TRPM2: variants seen among roughly 807,000 people sequenced by gnomAD.
TRPM2 encodes the protein transient receptor potential cation channel subfamily M member 2.
A neutral mutation model predicts 174.0 loss-of-function variants in TRPM2; 161 were observed. The ratio of observed to expected loss-of-function variants is 0.93; its 90% CI spans 0.81 to 1.05. The LOEUF (loss-of-function observed/expected upper bound fraction) is 1.05, where lower values mean the gene tolerates loss of function less well. Among genes scored for constraint, TRPM2 ranks in the 50% least tolerant of loss-of-function variants. TRPM2 has a pLI of 0.00. For synonymous variants in TRPM2, 954 were observed against 861.3 expected (o/e 1.11, Z -1.88); for missense variants, 2,057 against 2,038.0 (o/e 1.01, Z -0.18).
chr21:44,441,614 G>A (rs1448479198), intron 31 of TRPM2, 78 bp from the exon 32 acceptor site: 11 of 1,493,028 alleles, frequency 7.4e-6, no homozygotes, highest in Admixed American at 4.1e-5. Flanking sequence ...CCAAGCCCTC[G>A]AAGGCTGCAG....
At chr21:44,350,937 C>T (rs2047918582), upstream of TRPM2, among the ~76,000 whole-genome samples, 1 of 152,166 alleles carries the variant, frequency 6.6e-6, no homozygotes, top group Admixed American at 6.5e-5. Flanking sequence ...CTTCCTCCGT[C>T]CCCGCACCCG....
chr21:44,407,099 T>A (rs1243369327), intron 19 of TRPM2, among the ~76,000 whole-genome samples: 1 of 136,448 alleles, frequency 7.3e-6, no homozygotes, highest in Non-Finnish European at 1.6e-5. Context: ...CAATCAGAAA[T>A]AACTTCCTTC....
chr21:44,418,043 G>T lies in TRPM2; in HGVS notation c.3263G>T (p.Ser1088Ile). The change falls in exon 21 of 32, where the codon AGC (serine) becomes ATC (isoleucine). Residue 1088 changes from serine (S) to isoleucine (I), a missense_variant. By Grantham distance (142) the Ser-to-Ile change is moderately radical. Transcript: ENST00000397928. ...GCGCCGCCCCCCTTCATCCTCCTCA[G>T]CCACCTGCAGCTCTTCATCAAGAGG... is the stretch of plus-strand genomic sequence containing the variant. Reference protein sequence around the residue: ...PAAPPPFILLSHLQLFIKRVV... With the variant: ...PAAPPPFILLIHLQLFIKRVV... 6.2e-7 allele frequency: 1 copy of T among 1,613,178 alleles called. No individual in the cohort carries two copies. Among genetic ancestry groups the T allele is most frequent in the Non-Finnish European group, 8.5e-7 (1 of 1,180,020 alleles).
intron 8 of TRPM2, among the ~76,000 whole-genome samples, chr21:44,381,541 G>A (rs2048879273): frequency 6.6e-6 from 1 of 150,796 alleles, no homozygotes; most frequent in Non-Finnish European, 1.5e-5. Flanking sequence ...TGGATGGAGG[G>A]ATAGGTGGGT....
At chr21:44,378,387 C>T (rs1363425799) in intron 7 of TRPM2, among the ~76,000 whole-genome samples, 2 of 152,156 alleles carry the variant, frequency 1.3e-5, no homozygotes, top group East Asian at 3.8e-4. Flanking sequence ...GGCAATGTCC[C>T]GTTTATGTTT....
rs1307860879 is a variant in TRPM2, at chr21:44,376,009, A to T, written c.948A>T (p.Arg316Ser). Residue 316 changes from arginine to serine, a missense_variant, in exon 6 of 32, where the codon AGA becomes AGT. Coordinates refer to ENST00000397928, the MANE Select transcript of TRPM2 (RefSeq NM_003307.4). This position sits in a 1 kb window ranked among gnomAD's most constrained non-coding sequence, Gnocchi z 4.2. ...TCATATCGGAGCAGACCAAGGAAAG[A>T]GGAGGTAGGGGAGCTTGCTTTCGAG... is the stretch of plus-strand genomic sequence containing the variant. ...EKFISEQTKE[R>S]GGVAIKIPIV... The T allele has an allele frequency of 6.2e-7, 1 of 1,612,896 alleles. No homozygotes were observed. Among genetic ancestry groups the T allele is most frequent in the Non-Finnish European group, 8.5e-7 (1 of 1,179,040 alleles).
At chr21:44,360,309 G>C (rs546759144) in intron 2 of TRPM2, among the ~76,000 whole-genome samples, 2 of 152,314 alleles carry the variant, frequency 1.3e-5, no homozygotes, top group South Asian at 4.1e-4. Context: ...CTGGCGACTC[G>C]GGCAGCTCCT....
chr21:44,427,946 G>A (rs1036778119), intron 27 of TRPM2, among the ~76,000 whole-genome samples: 9 of 152,086 alleles, frequency 5.9e-5, no homozygotes, highest in African/African-American at 1.4e-4. Flanking sequence ...AGGTGCATCC[G>A]GTGGCTATGG....
chr21:44,413,953 C>T lies in TRPM2; in HGVS notation c.3025C>T (p.Pro1009Ser). ...NGTDPYKPKC[P>S]ESDATQQRPA... ...CACCGACCCCTACAAGCCTAAGTGC[C>T]CCGAGAGCGACGCGACGCAGCAGAG... is the stretch of plus-strand genomic sequence containing the variant. The change falls in exon 20 of 32, where the codon CCC becomes TCC. Residue 1009 changes from proline to serine, a missense_variant. Transcript: ENST00000397928. The T allele has an allele frequency of 1.2e-6, 2 of 1,614,012 alleles. No individual in the cohort carries two copies. The highest frequency in any genetic ancestry group is 1.7e-6 in the Non-Finnish European group (2 of 1,180,002).
At chr21:44,426,542 C>CATGTTGGG (rs1351086604) in intron 25 of TRPM2, 118 bp from the exon 26 acceptor site, 1 of 1,041,662 alleles carries the variant, frequency 9.6e-7, no homozygotes. Context: ...TTCTGCCCTG[C>CATGTTGGG]ATGTTGGGAT....
At chr21:44,359,752 T>C (rs1402688494) in intron 2 of TRPM2, among the ~76,000 whole-genome samples, 1 of 142,462 alleles carries the variant, frequency 7.0e-6, no homozygotes, top group African/African-American at 2.7e-5. Flanking sequence ...TGTATATATA[T>C]ATATATTTTT....
At position 44,354,614 on chromosome 21, in the gene TRPM2, T is replaced by C. The variant is rs751617397; in HGVS notation, c.166-34T>C. 3.1e-6 allele frequency: 5 copies of C among 1,591,936 alleles called. No homozygotes were observed. The highest frequency in any genetic ancestry group is 2.2e-5 in the South Asian group (2 of 90,672). The stretch of plus-strand genomic sequence containing the variant: ...GGGGCTGGGTGTGCTCTTTCGAATG[T>C]TGGAAGATCTCAGTGTGCTGTCTTT... On this transcript the variant is annotated intron_variant, in intron 1 of 31. Coordinates refer to ENST00000397928, the MANE Select transcript of TRPM2 (RefSeq NM_003307.4). This position sits in a 1 kb window ranked among gnomAD's most constrained non-coding sequence, Gnocchi z 4.3.
chr21:44,355,559 G>T (rs578173887), intron 2 of TRPM2, among the ~76,000 whole-genome samples: 1 of 152,172 alleles, frequency 6.6e-6, no homozygotes, highest in Non-Finnish European at 1.5e-5. Flanking sequence ...CTACCGCACC[G>T]TGTGTTTCTC....
At chr21:44,403,119 C>G (rs2049684793) in intron 16 of TRPM2, among the ~76,000 whole-genome samples, 1 of 152,144 alleles carries the variant, frequency 6.6e-6, no homozygotes, top group Admixed American at 6.5e-5. Context: ...CAGACCCTCT[C>G]TACAAGGGGC....
intron 12 of TRPM2, 64 bp downstream of exon 12, chr21:44,395,615 G>C: frequency 6.2e-7 from 1 of 1,600,062 alleles, no homozygotes; most frequent in Non-Finnish European, 8.5e-7. Context: ...GCTGGGGAGT[G>C]TGGCTGGAGA....
At position 44,418,508 on chromosome 21, in the gene TRPM2, C is replaced by A; in HGVS notation, c.3414C>A (p.Phe1138Leu). 6.2e-7 allele frequency: 1 copy of A among 1,614,138 alleles called. No homozygotes were observed. The highest frequency in any genetic ancestry group is 1.1e-5 in the South Asian group (1 of 91,084). ...LKENYLQNRQ[F>L]QQKQRPEQKI... ...AGAACTACCTCCAGAACCGACAGTTCCAGCAAAAGCAGCGGCCCGAGCAGA... is the reference window on the plus strand; with the variant it reads ...AGAACTACCTCCAGAACCGACAGTTACAGCAAAAGCAGCGGCCCGAGCAGA... The change falls in exon 22 of 32, where the codon TTC becomes TTA. Residue 1138 changes from phenylalanine to leucine, a missense_variant. By Grantham distance (22) the Phe-to-Leu change is conservative (BLOSUM62 0). Transcript: ENST00000397928.
chr21:44,379,571 G>T (rs770631726), intron 8 of TRPM2, among the ~76,000 whole-genome samples: 1 of 152,248 alleles, frequency 6.6e-6, no homozygotes, highest in Non-Finnish European at 1.5e-5. Context: ...GCTGTGGGTC[G>T]CAGGGTCCAG....
rs903951835 is a variant in TRPM2 at position 44,354,140 on chromosome 21, C to T, written c.165+275C>T. The stretch of plus-strand genomic sequence containing the variant: ...GCTAGAGTCCTGGAAATCTGTTACC[C>T]GTGCTTACCTTGTTGCATAATGATT... On this transcript the variant is annotated intron_variant, in intron 1 of 31. Coordinates refer to ENST00000397928, the MANE Select transcript of TRPM2 (RefSeq NM_003307.4). This position sits in a 1 kb window ranked among gnomAD's most constrained non-coding sequence, Gnocchi z 4.3. Among the ~76,000 whole-genome samples the T allele has an allele frequency of 3.3e-5, 5 of 152,204 alleles. No homozygotes were observed. The highest frequency in any genetic ancestry group is 2.1e-4 in the South Asian group (1 of 4,824).
intron 5 of TRPM2, among the ~76,000 whole-genome samples, chr21:44,375,156 C>A (rs768804005): frequency 6.6e-6 from 1 of 152,214 alleles, no homozygotes; most frequent in African/African-American, 2.4e-5. Flanking sequence ...GTGATCCTCC[C>A]GCCTTGGCCT....
Sources: allele counts gnomAD v4.1 joint callset (sites outside exome capture counted in the v4.1 genomes callset), GRCh38; gene constraint gnomAD v4.1.1; non-coding constraint Gnocchi (gnomAD v3.1); transcripts MANE v1.5; gene names NCBI Gene and HGNC (gene_info 2026-07-23, HGNC 2026-07-21).